Variants in ROBO2 observed in about 807,000 individuals in gnomAD.
The protein encoded by ROBO2 is roundabout guidance receptor 2.
Under a neutral mutation model 160.8 loss-of-function variants are expected in ROBO2, and 53 were observed. The observed-to-expected ratio is 0.33, with a 90% CI of 0.26 to 0.41. The LOEUF (loss-of-function observed/expected upper bound fraction) is 0.41, where lower values mean the gene tolerates loss of function less well. Among genes scored for constraint, ROBO2 ranks in the 10% least tolerant of loss-of-function variants. The pLI, the probability that ROBO2 is intolerant of heterozygous loss-of-function variation, is 1.00. For missense variants in ROBO2, 1,577 were observed against 1,722.4 expected, an observed-to-expected ratio of 0.92 and a Z score of 1.49; for synonymous variants, 664 against 611.7, an observed-to-expected ratio of 1.09 and a Z score of -1.26.
intron 2 of ROBO2, among the ~76,000 whole-genome samples, chr3:77,192,461 G>T (rs1377137917): frequency 6.6e-6 from 1 of 151,954 alleles, no homozygotes; most frequent in Non-Finnish European, 1.5e-5. Flanking sequence ...TTCAAGTTTG[G>T]TCATCATTGG....
At chr3:76,401,781 A>T (rs2077834207) in intron 2 of ROBO2, among the ~76,000 whole-genome samples, 1 of 151,586 alleles carries the variant, frequency 6.6e-6, no homozygotes, top group Non-Finnish European at 1.5e-5. Context: ...CATTAAGATT[A>T]TAAATAAATT....
chr3:76,277,100 A>G (rs917985580), intron 2 of ROBO2, among the ~76,000 whole-genome samples: 15 of 152,172 alleles, frequency 9.9e-5, no homozygotes, highest in African/African-American at 3.6e-4. Flanking sequence ...CATGTGGACA[A>G]TCTGTGGTTG....
chr3:77,625,316 G>GTAATAA (rs769742304), intron 23 of ROBO2, among the ~76,000 whole-genome samples: 1 of 151,294 alleles, frequency 6.6e-6, no homozygotes, highest in Non-Finnish European at 1.5e-5. Context: ...TTTAGATTCA[G>GTAATAA]TAATAATAAT....
intron 2 of ROBO2, among the ~76,000 whole-genome samples, chr3:76,469,708 C>G (rs1001801592): frequency 6.6e-6 from 1 of 152,100 alleles, no homozygotes; most frequent in Non-Finnish European, 1.5e-5. Flanking sequence ...TGAAATCCCT[C>G]TAGTTAGTCA....
intron 2 of ROBO2, among the ~76,000 whole-genome samples, chr3:76,963,384 T>C (rs1006290142): frequency 6.6e-6 from 1 of 152,122 alleles, no homozygotes; most frequent in Non-Finnish European, 1.5e-5. Context: ...TTAGAAAGCA[T>C]GCAGAACTAC....
chr3:76,954,614 G>A (rs918842111), intron 2 of ROBO2, among the ~76,000 whole-genome samples: 18 of 152,028 alleles, frequency 1.2e-4, no homozygotes, highest in Non-Finnish European at 2.1e-4. Flanking sequence ...ATAAACAAGG[G>A]CATGTTATTC....
intron 1 of ROBO2, among the ~76,000 whole-genome samples, chr3:75,911,918 T>G (rs1946611475): frequency 6.6e-6 from 1 of 152,174 alleles, no homozygotes. Context: ...TGGTTGTTAG[T>G]ACATTAAAAA....
At chr3:76,051,152 A>G (rs1362512672) in intron 2 of ROBO2, among the ~76,000 whole-genome samples, 1 of 152,094 alleles carries the variant, frequency 6.6e-6, no homozygotes, top group Non-Finnish European at 1.5e-5. Context: ...AAATTGACTT[A>G]TGCACTTATT....
At chr3:76,442,224 T>C (rs979716178) in intron 2 of ROBO2, among the ~76,000 whole-genome samples, 3 of 152,156 alleles carry the variant, frequency 2.0e-5, no homozygotes, top group Non-Finnish European at 4.4e-5. Flanking sequence ...TTTTTAAGAA[T>C]GATAGGACAA....
At chr3:76,589,995 C>T (rs556959398) in intron 2 of ROBO2, among the ~76,000 whole-genome samples, 27 of 151,850 alleles carry the variant, frequency 1.8e-4, no homozygotes, top group Non-Finnish European at 3.5e-4. Context: ...ATGTATGTTC[C>T]GGATAATGAA....
intron 2 of ROBO2, among the ~76,000 whole-genome samples, chr3:76,242,996 A>G (rs1349030580): frequency 2.0e-5 from 3 of 152,172 alleles, no homozygotes; most frequent in Non-Finnish European, 2.9e-5. Context: ...TGCTGCATGG[A>G]CGATTCCCCC....
intron 2 of ROBO2, among the ~76,000 whole-genome samples, chr3:77,251,936 GGACT>G (rs2090399797): frequency 1.3e-5 from 2 of 152,094 alleles, no homozygotes; most frequent in South Asian, 4.2e-4. Context: ...GCACGAAAAT[GGACT>G]GACAGACTTT....
chr3:76,775,129 C>T (rs370705781), intron 2 of ROBO2, among the ~76,000 whole-genome samples: 8 of 150,514 alleles, frequency 5.3e-5, no homozygotes, highest in African/African-American at 1.5e-4. Flanking sequence ...TATGTCTATT[C>T]GATTAGAAAA....
At chr3:77,636,920 G>C (rs954483172) in intron 24 of ROBO2, among the ~76,000 whole-genome samples, 1 of 152,128 alleles carries the variant, frequency 6.6e-6, no homozygotes, top group South Asian at 2.1e-4. Flanking sequence ...TATGTATCCT[G>C]AAGTTATATT....
chr3:77,311,494 T>C (rs1438722232), intron 2 of ROBO2, among the ~76,000 whole-genome samples: 1 of 152,220 alleles, frequency 6.6e-6, no homozygotes, highest in African/African-American at 2.4e-5. Context: ...CATCATATCA[T>C]CATGATCTTT....
intron 1 of ROBO2, among the ~76,000 whole-genome samples, chr3:75,933,169 G>A (rs571288179): frequency 6.0e-4 from 92 of 152,078 alleles, no homozygotes; most frequent in Admixed American, 1.2e-3. Context: ...GTCATGTGAT[G>A]GCTTCTAATG....
intron 2 of ROBO2, among the ~76,000 whole-genome samples, chr3:76,879,984 T>C (rs563304624): frequency 5.9e-5 from 9 of 152,264 alleles, no homozygotes; most frequent in Admixed American, 5.2e-4. Flanking sequence ...AGAAAAATAA[T>C]AGAAGTAGTT....
intron 2 of ROBO2, among the ~76,000 whole-genome samples, chr3:76,284,144 G>C (rs779334505): frequency 6.6e-6 from 1 of 151,818 alleles, no homozygotes; most frequent in South Asian, 2.1e-4. Context: ...AGGTCTCTTT[G>C]GGTATTTTAT....
intron 2 of ROBO2, among the ~76,000 whole-genome samples, chr3:76,749,690 AC>A (rs1487586193): frequency 6.6e-6 from 1 of 152,106 alleles, no homozygotes; most frequent in African/African-American, 2.4e-5. Flanking sequence ...AGGCCAAAAT[AC>A]GTGCCATGGA....
Sources: allele counts gnomAD v4.1 joint callset (sites outside exome capture counted in the v4.1 genomes callset), GRCh38; gene constraint gnomAD v4.1.1; transcripts MANE v1.5; gene names NCBI Gene and HGNC (gene_info 2026-07-23, HGNC 2026-07-21).